Variants in SCFD2 observed in about 807,000 individuals in gnomAD.
SCFD2 encodes sec1 family domain-containing protein 2.
Under a neutral mutation model 58.9 loss-of-function variants are expected in SCFD2, and 54 were observed. The ratio of observed to expected loss-of-function variants is 0.92; its 90% CI spans 0.74 to 1.15. The LOEUF is 1.15. Among genes scored for constraint, SCFD2 ranks in the 50% most tolerant of loss-of-function variants. The pLI, the probability that SCFD2 is intolerant of heterozygous loss-of-function variation, is 0.00. For synonymous variants in SCFD2, 321 were observed against 335.9 expected (o/e 0.96, Z 0.49); for missense variants, 805 against 836.6 (o/e 0.96, Z 0.47).
At chr4:53,228,026 A>T (rs921005287) in intron 4 of SCFD2, among the ~76,000 whole-genome samples, 1 of 152,166 alleles carries the variant, frequency 6.6e-6, no homozygotes, top group African/African-American at 2.4e-5. Context: ...ACCACTTATA[A>T]ACTATGTAAC....
At chr4:53,081,735 T>C (rs1233233902) in intron 5 of SCFD2, among the ~76,000 whole-genome samples, 6 of 152,156 alleles carry the variant, frequency 3.9e-5, no homozygotes, top group Non-Finnish European at 8.8e-5. Context: ...TTATATTATA[T>C]TGACAAGATT....
At chr4:53,012,909 T>C (rs1421630296) in intron 5 of SCFD2, among the ~76,000 whole-genome samples, 1 of 151,808 alleles carries the variant, frequency 6.6e-6, no homozygotes, top group Non-Finnish European at 1.5e-5. Flanking sequence ...AATTCATTAC[T>C]CTGAGGAATA....
chr4:53,124,711 G>A (rs1401498105), intron 5 of SCFD2, among the ~76,000 whole-genome samples: 1 of 152,148 alleles, frequency 6.6e-6, no homozygotes, highest in African/African-American at 2.4e-5. Flanking sequence ...CAAAGGATCA[G>A]CTATAAATCT....
chr4:53,151,804 A>C (rs4864728), intron 4 of SCFD2, among the ~76,000 whole-genome samples: 74,437 of 152,080 alleles, frequency 0.49, 19,583 homozygotes, highest in Non-Finnish European at 0.61. Flanking sequence ...CAGGTTGTAC[A>C]AGCATGGTAT....
chr4:53,204,549 C>A (rs948888859), intron 4 of SCFD2, among the ~76,000 whole-genome samples: 1 of 150,040 alleles, frequency 6.7e-6, no homozygotes, highest in Non-Finnish European at 1.5e-5. Flanking sequence ...AAAGAAATAA[C>A]AAACAAGAGG....
chr4:53,331,311 C>A (rs1210318997), intron 2 of SCFD2, among the ~76,000 whole-genome samples: 16 of 151,462 alleles, frequency 1.1e-4, no homozygotes, highest in Admixed American at 5.3e-4. Flanking sequence ...CAGCACCACA[C>A]CACACCTATT....
Position 53,352,590 on chromosome 4 carries a change from T to C in SCFD2, c.1007+8A>G, listed in dbSNP as rs765574603. ...GAAAGATAAGATGACAAAAACTATATATCTTACCTGGATTGTGAAAGACAG... is the reference window on the plus strand; with the variant it reads ...GAAAGATAAGATGACAAAAACTATACATCTTACCTGGATTGTGAAAGACAG... On this transcript the variant is annotated splice_region_variant and intron_variant, in intron 2 of 8. Transcript: ENST00000401642. The C allele has an allele frequency of 3.7e-6, 6 of 1,603,892 alleles. No individual in the cohort carries two copies. In the South Asian group the frequency reaches 4.4e-5, roughly 12 times the overall value.
chr4:53,242,071 G>A (rs139377828), intron 4 of SCFD2, among the ~76,000 whole-genome samples: 10 of 152,354 alleles, frequency 6.6e-5, no homozygotes, highest in South Asian at 2.1e-4. Context: ...TGTGAATGCC[G>A]AAACAGAGGC....
chr4:53,354,713 T>A (rs1288318635), intron 1 of SCFD2, among the ~76,000 whole-genome samples: 2 of 152,226 alleles, frequency 1.3e-5, no homozygotes, highest in Non-Finnish European at 2.9e-5. Flanking sequence ...ATCTAGTCAG[T>A]CAGGTAAATA....
intron 5 of SCFD2, among the ~76,000 whole-genome samples, chr4:53,065,108 C>G (rs768768058): frequency 6.6e-6 from 1 of 152,066 alleles, no homozygotes; most frequent in African/African-American, 2.4e-5. Flanking sequence ...GAACTCCAGT[C>G]ATGACAGCAG....
chr4:53,182,996 G>A (rs573340997), intron 4 of SCFD2, among the ~76,000 whole-genome samples: 403 of 152,230 alleles, frequency 2.6e-3, no homozygotes, highest in African/African-American at 9.3e-3. Flanking sequence ...AAAAAGTCAG[G>A]AAACAACAGG....
chr4:53,337,986 GAAA>G (rs1733735584), intron 2 of SCFD2, among the ~76,000 whole-genome samples: 1 of 152,138 alleles, frequency 6.6e-6, no homozygotes, highest in Non-Finnish European at 1.5e-5. Flanking sequence ...AGAATTGGAG[GAAA>G]AGGCAATGTG....
chr4:53,364,752 T>A (rs1382812104), intron 1 of SCFD2, among the ~76,000 whole-genome samples: 2 of 152,248 alleles, frequency 1.3e-5, no homozygotes, highest in African/African-American at 2.4e-5. Context: ...TATGAAGGAC[T>A]GTTGTGAATA....
intron 4 of SCFD2, among the ~76,000 whole-genome samples, chr4:53,180,285 A>C (rs1175086767): frequency 1.3e-5 from 2 of 152,212 alleles, no homozygotes; most frequent in African/African-American, 4.8e-5. Context: ...AAAGAACAGA[A>C]ATTATAATAA....
At chr4:53,276,193 C>T (rs1731321544) in intron 3 of SCFD2, among the ~76,000 whole-genome samples, 1 of 145,332 alleles carries the variant, frequency 6.9e-6, no homozygotes, top group Non-Finnish European at 1.6e-5. Flanking sequence ...ATCAACAGTG[C>T]ATCTTATGTT....
chr4:52,904,721 A>G (rs759689263), intron 7 of SCFD2, among the ~76,000 whole-genome samples: 1 of 152,236 alleles, frequency 6.6e-6, no homozygotes, highest in Non-Finnish European at 1.5e-5. Context: ...ATATGAGTAT[A>G]TGAATACTTA....
At chr4:53,161,257 A>T (rs562800976) in intron 4 of SCFD2, among the ~76,000 whole-genome samples, 1 of 152,300 alleles carries the variant, frequency 6.6e-6, no homozygotes, top group South Asian at 2.1e-4. Context: ...GTGAAAATTC[A>T]TTGAGCTGTA....
chr4:53,322,064 C>T (rs934536292), intron 2 of SCFD2, among the ~76,000 whole-genome samples: 6 of 152,110 alleles, frequency 3.9e-5, no homozygotes, highest in Non-Finnish European at 8.8e-5. Flanking sequence ...TTGTCAGAGG[C>T]GTTTGAACCA....
At chr4:53,332,840 T>C (rs945977102) in intron 2 of SCFD2, among the ~76,000 whole-genome samples, 1 of 150,698 alleles carries the variant, frequency 6.6e-6, no homozygotes, top group Non-Finnish European at 1.5e-5. Context: ...ATTGTATATC[T>C]AGAAAACCCC....
Sources: gnomAD v4.1 joint callset for allele counts (sites outside exome capture counted in the v4.1 genomes callset) on GRCh38, gnomAD v4.1.1 for gene constraint, MANE v1.5 for transcripts, NCBI Gene and HGNC (gene_info 2026-07-23, HGNC 2026-07-21) for gene names.